The following SYNJ1 variants were observed in gnomAD, a reference collection of about 807,000 sequenced individuals.
SYNJ1 encodes the protein polyphosphatidylinositol phosphatase SYNJ1.
A neutral mutation model predicts 168.2 loss-of-function variants in SYNJ1; 78 were observed. The ratio of observed to expected loss-of-function variants is 0.46; its 90% CI spans 0.39 to 0.56. The LOEUF is 0.56. Ranked by LOEUF, SYNJ1 falls within the 20% of genes least tolerant of loss-of-function variation. The pLI is 0.00. For missense variants in SYNJ1, 1,303 were observed against 1,597.6 expected, an observed-to-expected ratio of 0.82 and a Z score of 3.14; for synonymous variants, 539 against 548.6, an observed-to-expected ratio of 0.98 and a Z score of 0.24.
rs1281984634 is a variant in SYNJ1 at position 32,631,064 on chromosome 21, G to A, written c.*741C>T. The A allele has an allele frequency of 1.5e-5, 25 of 1,614,084 alleles. No individual in the cohort carries two copies. The highest frequency in any genetic ancestry group is 2.0e-5 in the Non-Finnish European group (24 of 1,180,042). On this transcript the variant is annotated 3_prime_UTR_variant, in exon 33 of 33. Transcript: ENST00000674351. ...AGGTCGTGAAAGGATCTACTGGAGG[G>A]CTGGTGCCGGGCGGGAGCAGAGGGA...
intron 2 of SYNJ1, among the ~76,000 whole-genome samples, chr21:32,710,536 T>C (rs2042790217): frequency 6.6e-6 from 1 of 152,014 alleles, no homozygotes; most frequent in South Asian, 2.1e-4. Context: ...AACTTTTTTT[T>C]TTTTCCCAAA....
At chr21:32,666,374 C>CT in intron 16 of SYNJ1, 59 bp downstream of exon 16, 1 of 1,557,788 alleles carries the variant, frequency 6.4e-7, no homozygotes, top group African/African-American at 1.4e-5. Flanking sequence ...ACATTCTAGG[C>CT]TTTTTTCTTG....
chr21:32,722,207 T>A (rs3989188), intron 2 of SYNJ1, among the ~76,000 whole-genome samples: 7,607 of 56,986 alleles, frequency 0.13, 230 homozygotes, highest in Non-Finnish European at 0.16. Flanking sequence ...AAAAAAAAAA[T>A]ATATATATAT....
chr21:32,695,188 T>A lies in SYNJ1; in HGVS notation c.574A>T (p.Ile192Phe). Residue 192 changes from isoleucine (I) to phenylalanine (F), a missense_variant, in exon 5 of 33, where the codon ATT becomes TTT. Ile to Phe is a conservative substitution (Grantham distance 21, BLOSUM62 0). Transcript: ENST00000674351. ...TTCGCCTGTTTATGAGCAGCATAAATTGTTCTGATTTCTACTCCTCCACAC... is the reference window on the plus strand; with the variant it reads ...TTCGCCTGTTTATGAGCAGCATAAAATGTTCTGATTTCTACTCCTCCACAC... The part of the protein sequence containing the change: ...LMCGGVEIRT[I>F]YAAHKQAKAC... The A allele has an allele frequency of 6.2e-7, 1 of 1,614,152 alleles. No homozygotes were observed. The highest frequency in any genetic ancestry group is 8.5e-7 in the Non-Finnish European group (1 of 1,180,012).
At chr21:32,705,784 G>A (rs144659468) in intron 2 of SYNJ1, among the ~76,000 whole-genome samples, 59 of 152,208 alleles carry the variant, frequency 3.9e-4, no homozygotes, top group East Asian at 3.7e-3. Flanking sequence ...CCAGGAGTTC[G>A]AGACCAGCCT....
chr21:32,682,137 T>C (rs892749144), intron 10 of SYNJ1, among the ~76,000 whole-genome samples: 1 of 152,156 alleles, frequency 6.6e-6, no homozygotes, highest in Admixed American at 6.5e-5. Context: ...CTGAATGAAG[T>C]CATGACAGCT....
intron 2 of SYNJ1, among the ~76,000 whole-genome samples, chr21:32,708,812 T>C (rs988937971): frequency 6.6e-6 from 1 of 152,090 alleles, no homozygotes; most frequent in Admixed American, 6.5e-5. Context: ...GAAAAACTTC[T>C]TTGTGGGCCC....
intron 11 of SYNJ1, 117 bp from the exon 12 acceptor site, chr21:32,678,918 C>T (rs1394550677): frequency 2.0e-5 from 27 of 1,339,424 alleles, no homozygotes; most frequent in Non-Finnish European, 2.6e-5. Context: ...AAAAAAGGAC[C>T]TAATCGTTCT....
At chr21:32,663,588 G>A (rs1298489322) in intron 18 of SYNJ1, among the ~76,000 whole-genome samples, 2 of 152,116 alleles carry the variant, frequency 1.3e-5, no homozygotes, top group Non-Finnish European at 2.9e-5. Flanking sequence ...GCAAACTCCT[G>A]GGTTTCCCTG....
At chr21:32,659,741 TCTG>T (rs973521844) in intron 18 of SYNJ1, among the ~76,000 whole-genome samples, 3 of 152,178 alleles carry the variant, frequency 2.0e-5, no homozygotes, top group African/African-American at 7.2e-5. Flanking sequence ...GAGACGCAAG[TCTG>T]CCGATGCTCC....
intron 2 of SYNJ1, among the ~76,000 whole-genome samples, chr21:32,713,129 C>A (rs1026166484): frequency 2.0e-5 from 3 of 151,990 alleles, no homozygotes. Context: ...GATGATTTCC[C>A]ATATGTCAAC....
rs2145647966 is a variant in SYNJ1, at chr21:32,629,851, A to G, written c.*1954T>C. 6.5e-6 allele frequency: 1 copy of G among 152,724 alleles called. No homozygotes were observed. The highest frequency in any genetic ancestry group is 1.9e-4 in the East Asian group (1 of 5,192). 9.5% of individuals were successfully genotyped at this position (152,724 alleles called of 1,614,324 possible). A position where few individuals can be genotyped will look rare whatever the true frequency, so the allele number is the denominator to read the frequency against. On this transcript the variant is annotated 3_prime_UTR_variant, in exon 33 of 33. Transcript: ENST00000674351. ...AGTGCAGGAGACAAAATCCGCAGCT[A>G]CTTTGAGGTATAGCCTCTAAAAACT...
chr21:32,694,566 T>G (rs1250423032), intron 5 of SYNJ1, among the ~76,000 whole-genome samples: 1 of 152,178 alleles, frequency 6.6e-6, no homozygotes, highest in Non-Finnish European at 1.5e-5. Context: ...AATCTTAATA[T>G]TTTACATACA....
At position 32,695,927 on chromosome 21, in the gene SYNJ1, A is replaced by G. The variant is rs576978541; in HGVS notation, c.480-645T>C. ...AGTGGCGGGATCTTGGCTCACTGCA[A>G]GCTCTGCCTCCCAGTTTTATGTCAT... is the stretch of plus-strand genomic sequence containing the variant. On this transcript the variant is annotated intron_variant, in intron 4 of 32. Coordinates refer to ENST00000674351, the MANE Select transcript of SYNJ1 (RefSeq NM_203446.3). Among the ~76,000 whole-genome samples, 4 of 151,926 alleles carry G rather than the reference A, an allele frequency of 2.6e-5. No homozygotes were observed. In the South Asian group the frequency reaches 8.3e-4, roughly 32 times the overall value.
intron 2 of SYNJ1, among the ~76,000 whole-genome samples, chr21:32,705,613 G>A (rs1373724411): frequency 2.0e-5 from 3 of 152,044 alleles, no homozygotes; most frequent in African/African-American, 7.2e-5. Flanking sequence ...CATGAGGAAT[G>A]GGCAAAACAA....
At chr21:32,633,292 C>T (rs780484978) in intron 32 of SYNJ1, among the ~76,000 whole-genome samples, 1 of 152,092 alleles carries the variant, frequency 6.6e-6, no homozygotes, top group African/African-American at 2.4e-5. Context: ...TTCACTCCTG[C>T]CCTAAATCCC....
rs1475826519 is a variant in SYNJ1 at position 32,629,502 on chromosome 21, G to C, written c.*2303C>G. On this transcript the variant is annotated 3_prime_UTR_variant, in exon 33 of 33. Transcript: ENST00000674351. ...TTTTTCTAATAGATTTGCTTTATAA[G>C]TGCAGTGCAGTTTGCTGTGCTTTTA... The C allele has an allele frequency of 1.3e-5, 2 of 152,616 alleles. No homozygotes were observed. 9.5% of individuals were successfully genotyped at this position (152,616 alleles called of 1,614,324 possible).
intron 5 of SYNJ1, 146 bp downstream of exon 5, chr21:32,694,911 T>C (rs2042149207): frequency 2.0e-5 from 17 of 868,154 alleles, no homozygotes; most frequent in Non-Finnish European, 2.5e-5. Flanking sequence ...GAAGCCTTTT[T>C]TTAAGGCCCA....
At position 32,650,355 on chromosome 21, in the gene SYNJ1, G is replaced by A; in HGVS notation, c.2875-9C>T. The A allele has an allele frequency of 6.3e-7, 1 of 1,585,740 alleles. No homozygotes were observed. The highest frequency in any genetic ancestry group is 1.2e-5 in the South Asian group (1 of 85,644). On this transcript the variant is annotated splice_polypyrimidine_tract_variant and intron_variant, in intron 22 of 32. Coordinates refer to ENST00000674351, the MANE Select transcript of SYNJ1 (RefSeq NM_203446.3). ...ATAGTCCGATTCAATAACTAGCGGA[G>A]TAAAAGAGATATAAAATAAAGATTA...
Sources: allele counts gnomAD v4.1 joint callset (sites outside exome capture counted in the v4.1 genomes callset), GRCh38; gene constraint gnomAD v4.1.1; transcripts MANE v1.5; gene names NCBI Gene and HGNC (gene_info 2026-07-23, HGNC 2026-07-21).